Variants in CAMK4 observed in about 807,000 individuals in gnomAD.
CAMK4 encodes the protein calcium/calmodulin dependent protein kinase IV.
CAMK4 carries 22 observed loss-of-function variants against 44.9 expected under a neutral mutation model. The ratio of observed to expected loss-of-function variants is 0.49; its 90% CI spans 0.35 to 0.70. CAMK4 has a LOEUF of 0.70. CAMK4 is among the 30% of genes least tolerant of loss of function. CAMK4 has a pLI of 0.01. For synonymous variants in CAMK4, 218 were observed against 215.4 expected (o/e 1.01, Z -0.11); for missense variants, 498 against 586.8 (o/e 0.85, Z 1.56).
chr5:111,469,398 T>C (rs563291948), intron 7 of CAMK4, among the ~76,000 whole-genome samples: 1 of 152,142 alleles, frequency 6.6e-6, no homozygotes, highest in South Asian at 2.1e-4. Flanking sequence ...ACTTTTTACA[T>C]GGCAAGTTTA....
intron 7 of CAMK4, among the ~76,000 whole-genome samples, chr5:111,459,803 C>T (rs895306480): frequency 6.6e-6 from 1 of 150,448 alleles, no homozygotes; most frequent in South Asian, 2.1e-4. Flanking sequence ...CTCGGGTTCA[C>T]GCCATTCTCC....
intron 1 of CAMK4, among the ~76,000 whole-genome samples, chr5:111,241,575 A>G (rs549720615): frequency 6.6e-6 from 1 of 152,320 alleles, no homozygotes; most frequent in Non-Finnish European, 1.5e-5. Flanking sequence ...GACTAAGTCT[A>G]GCTCACCCTT....
intron 5 of CAMK4, among the ~76,000 whole-genome samples, chr5:111,442,249 T>G (rs61148972): frequency 0.078 from 11,823 of 152,080 alleles, 1,271 homozygotes; most frequent in African/African-American, 0.24. Context: ...ATCCCAGCAC[T>G]TGGGGAGGCC....
intron 5 of CAMK4, among the ~76,000 whole-genome samples, chr5:111,395,228 G>GAAAAAAAAAAAAAAAAAAAA (rs758613011): frequency 2.6e-5 from 3 of 114,882 alleles, no homozygotes; most frequent in South Asian, 2.6e-4. Flanking sequence ...AAAAAAAAAA[G>GAAAAAAAAAAAAAAAAAAAA]AAAAAAAAAA....
At chr5:111,246,158 A>G (rs1298300577) in intron 1 of CAMK4, among the ~76,000 whole-genome samples, 3 of 152,202 alleles carry the variant, frequency 2.0e-5, no homozygotes, top group South Asian at 2.1e-4. Context: ...AGGAGCACTG[A>G]TGTTTGAGGT....
At chr5:111,293,977 G>A (rs2099212175) in intron 1 of CAMK4, among the ~76,000 whole-genome samples, 1 of 151,924 alleles carries the variant, frequency 6.6e-6, no homozygotes, top group Admixed American at 6.6e-5. Flanking sequence ...TCGATCTCCT[G>A]ACCTCGTGAC....
chr5:111,453,245 GA>G (rs1754297901), intron 7 of CAMK4, among the ~76,000 whole-genome samples: 1 of 152,198 alleles, frequency 6.6e-6, no homozygotes, highest in South Asian at 2.1e-4. Flanking sequence ...GGGAAAAACA[GA>G]AGTCACAGTA....
At chr5:111,422,863 C>A (rs897048409) in intron 5 of CAMK4, among the ~76,000 whole-genome samples, 2 of 152,050 alleles carry the variant, frequency 1.3e-5, no homozygotes, top group Admixed American at 1.3e-4. Flanking sequence ...TAGCACTTAC[C>A]ATGCTATATT....
rs180933278 is a variant in CAMK4, at chr5:111,240,515, C to T, written c.161+15871C>T. ...GTTTCATCTTACATTTCTTTTATAG[C>T]TGCTTTTAATTGTCCTACCCTCTCT... On this transcript the variant is annotated intron_variant, in intron 1 of 10. Transcript: ENST00000282356. Among the ~76,000 whole-genome samples, 8 of 152,274 alleles carry T rather than the reference C, an allele frequency of 5.3e-5. No homozygotes were observed. In the East Asian group the frequency reaches 1.3e-3, roughly 26 times the overall value.
At chr5:111,417,367 C>G (rs540792115) in intron 5 of CAMK4, among the ~76,000 whole-genome samples, 8 of 152,006 alleles carry the variant, frequency 5.3e-5, no homozygotes, top group Admixed American at 3.3e-4. Context: ...CAGGCGCCAC[C>G]ACCACGCCCA....
At position 111,290,233 on chromosome 5, in the gene CAMK4, G is replaced by A. The variant is rs1747183185; in HGVS notation, c.162-53791G>A. On this transcript the variant is annotated intron_variant, in intron 1 of 10. Coordinates refer to ENST00000282356, the MANE Select transcript of CAMK4 (RefSeq NM_001744.6). This position sits in a 1 kb window ranked among gnomAD's most constrained non-coding sequence, Gnocchi z 4.5. The stretch of plus-strand genomic sequence containing the variant: ...TGGAAGCTAAGATGGTGTTATAACT[G>A]GCCATTTCATTGTGCTGTTAGGCCA... Among the ~76,000 whole-genome samples the A allele has an allele frequency of 6.6e-6, 1 of 152,144 alleles. No homozygotes were observed. The highest frequency in any genetic ancestry group is 1.5e-5 in the Non-Finnish European group (1 of 68,028).
At chr5:111,340,507 G>A (rs1193161346) in intron 1 of CAMK4, among the ~76,000 whole-genome samples, 1 of 150,996 alleles carries the variant, frequency 6.6e-6, no homozygotes, top group East Asian at 1.9e-4. Context: ...TGTTAGTGTG[G>A]TATGTCACAA....
chr5:111,426,402 T>C (rs7725614), intron 5 of CAMK4, among the ~76,000 whole-genome samples: 2,395 of 152,302 alleles, frequency 0.016, 60 homozygotes, highest in African/African-American at 0.055. Flanking sequence ...AAAATTACAC[T>C]GTGAACATAA....
intron 5 of CAMK4, among the ~76,000 whole-genome samples, chr5:111,412,017 G>A (rs539606489): frequency 6.6e-5 from 10 of 152,030 alleles, no homozygotes; most frequent in South Asian, 2.1e-4. Flanking sequence ...TAAAAATAAA[G>A]CTCTGCTTAG....
intron 1 of CAMK4, among the ~76,000 whole-genome samples, chr5:111,239,711 T>G (rs1748902423): frequency 6.6e-6 from 1 of 152,190 alleles, no homozygotes; most frequent in Non-Finnish European, 1.5e-5. Flanking sequence ...TTATACACGG[T>G]AAGTGTCCAG....
chr5:111,329,047 T>C (rs1475476366), intron 1 of CAMK4, among the ~76,000 whole-genome samples: 6 of 151,914 alleles, frequency 3.9e-5, no homozygotes, highest in African/African-American at 1.4e-4. Context: ...GTGGGCTTCA[T>C]CCCTGGGTTG....
chr5:111,381,870 AG>A (rs1487846910), intron 4 of CAMK4, among the ~76,000 whole-genome samples: 6 of 152,170 alleles, frequency 3.9e-5, no homozygotes, highest in African/African-American at 1.4e-4. Context: ...TGATTTAAAA[AG>A]TCAGCCTATT....
At chr5:111,352,672 A>G (rs1437644476) in intron 2 of CAMK4, among the ~76,000 whole-genome samples, 5 of 116,020 alleles carry the variant, frequency 4.3e-5, no homozygotes, top group African/African-American at 9.2e-5. Context: ...AGGGAGAGGG[A>G]GGGAGGGAAG....
intron 5 of CAMK4, among the ~76,000 whole-genome samples, chr5:111,414,874 T>C (rs1253119229): frequency 6.6e-6 from 1 of 152,156 alleles, no homozygotes; most frequent in Non-Finnish European, 1.5e-5. Context: ...ATAGAAGACA[T>C]ATGTACCATA....
Sources: gnomAD v4.1 joint callset for allele counts (sites outside exome capture counted in the v4.1 genomes callset) on GRCh38, gnomAD v4.1.1 for gene constraint, Gnocchi (gnomAD v3.1) non-coding constraint, MANE v1.5 for transcripts, NCBI Gene and HGNC (gene_info 2026-07-23, HGNC 2026-07-21) for gene names.